PTPRG: variants seen among roughly 807,000 people sequenced by gnomAD.
The protein encoded by PTPRG is receptor-type tyrosine-protein phosphatase gamma.
In PTPRG, 102 loss-of-function variants were observed where a neutral mutation model predicts 165.3. That is an observed-to-expected ratio of 0.62 (90% CI 0.53 to 0.73). The LOEUF is 0.73. Ranked by LOEUF, PTPRG falls within the 30% of genes least tolerant of loss-of-function variation. The pLI is 0.00. For missense variants in PTPRG, 1,866 were observed against 1,861.4 expected, an observed-to-expected ratio of 1.00 and a Z score of -0.05; for synonymous variants, 675 against 669.5, an observed-to-expected ratio of 1.01 and a Z score of -0.13.
intron 1 of PTPRG, among the ~76,000 whole-genome samples, chr3:61,595,910 T>G (rs966215493): frequency 2.0e-5 from 3 of 152,200 alleles, no homozygotes; most frequent in African/African-American, 7.2e-5. Context: ...ACCATTGTGT[T>G]TTTTTAGCAA....
rs145207689 is a variant in PTPRG at position 62,275,953 on chromosome 3, T to C, written c.3546T>C (p.Ser1182=). ...GTAACAAAGAAAAGAACAGAAACTC[T>C]TCAGTTGTGCCATGTAAGACTTTAA... ...KECNKEKNRN[S]SVVPSERARV... is the part of the protein sequence containing the mutation. Residue 1182 remains serine (S), a synonymous_variant, in exon 24 of 30, where the codon TCT becomes TCC. Transcript: ENST00000474889. The C allele has an allele frequency of 6.8e-6, 11 of 1,608,142 alleles. No individual in the cohort carries two copies. The African/African-American group carries it at 1.5e-4, about 22-fold the overall frequency.
At chr3:61,972,828 T>C (rs1001945534) in intron 2 of PTPRG, among the ~76,000 whole-genome samples, 1 of 16,894 alleles carries the variant, frequency 5.9e-5, no homozygotes, top group African/African-American at 1.4e-3. Flanking sequence ...AATTTTTAAT[T>C]TTTTTTTTTT....
At position 61,949,666 on chromosome 3, in the gene PTPRG, A is replaced by G. The variant is rs140880471; in HGVS notation, c.191-39959A>G. 4.0e-3 allele frequency among the ~76,000 whole-genome samples: 611 copies of G among 152,016 alleles called. 4 individuals are homozygous for G. Among genetic ancestry groups the G allele is most frequent in the South Asian group, 0.012 (56 of 4,810 alleles). On this transcript the variant is annotated intron_variant, in intron 2 of 29. Transcript: ENST00000474889. Reference sequence around the variant, plus strand: ...GCCAGCTCAGGTGCTGAAACCTAAGACATTTTTTCCCCTTCCTAAGCCTTT... The same window carrying G: ...GCCAGCTCAGGTGCTGAAACCTAAGGCATTTTTTCCCCTTCCTAAGCCTTT...
chr3:62,271,587 T>C lies in PTPRG; in HGVS notation c.3182+32T>C. The C allele has an allele frequency of 1.3e-6, 2 of 1,594,508 alleles. No homozygotes were observed. The highest frequency in any genetic ancestry group is 1.7e-6 in the Non-Finnish European group (2 of 1,169,006). On this transcript the variant is annotated intron_variant, in intron 21 of 29. Coordinates refer to ENST00000474889, the MANE Select transcript of PTPRG (RefSeq NM_002841.4). This position sits in a 1 kb window ranked among gnomAD's most constrained non-coding sequence, Gnocchi z 4.1. ...TCTAGGATTCAACATGTGAAATAGA[T>C]GGGGCAGGGGACTTAGGCCTCAGTG...
intron 2 of PTPRG, among the ~76,000 whole-genome samples, chr3:61,965,097 A>G (rs189898849): frequency 6.6e-6 from 1 of 152,200 alleles, no homozygotes; most frequent in Admixed American, 6.5e-5. Context: ...ACAAAAAATT[A>G]TCCAGACGTG....
At chr3:61,782,292 C>T (rs917307930) in intron 2 of PTPRG, among the ~76,000 whole-genome samples, 4 of 152,168 alleles carry the variant, frequency 2.6e-5, no homozygotes, top group Non-Finnish European at 5.9e-5. Context: ...ACTGTCTCCT[C>T]AATGTCAGAT....
At chr3:62,250,072 C>T (rs892467831) in intron 15 of PTPRG, among the ~76,000 whole-genome samples, 5 of 152,168 alleles carry the variant, frequency 3.3e-5, no homozygotes, top group African/African-American at 1.2e-4. Context: ...ATGCCAGGCA[C>T]TCTTATAAGT....
intron 10 of PTPRG, 42 bp from the exon 11 acceptor site, chr3:62,201,463 A>G: frequency 6.5e-7 from 1 of 1,541,178 alleles, no homozygotes; most frequent in Non-Finnish European, 8.8e-7. Flanking sequence ...TAGAGCCACA[A>G]AAAAAGTTAT....
Position 62,209,755 on chromosome 3 carries a change from A to G in PTPRG, c.2155+5805A>G, listed in dbSNP as rs115894539. On this transcript the variant is annotated intron_variant, in intron 12 of 29. Transcript: ENST00000474889. ...ATGGTTTAGTTTCTTCTCAGAAAGT[A>G]TCTGGGTCCTTGGAGTTTCTATTGC... Among the ~76,000 whole-genome samples the G allele has an allele frequency of 5.0e-3, 764 of 152,342 alleles. 5 individuals carry two copies. Among genetic ancestry groups the G allele is most frequent in the African/African-American group, 0.018 (733 of 41,578 alleles).
chr3:62,272,812 G>A (rs1702109527), intron 21 of PTPRG, 134 bp from the exon 22 acceptor site: 1 of 1,034,474 alleles, frequency 9.7e-7, no homozygotes. Context: ...ACTCCAGCCT[G>A]GGCAACAGAG....
intron 2 of PTPRG, among the ~76,000 whole-genome samples, chr3:61,880,298 T>G (rs531414229): frequency 2.0e-5 from 3 of 152,334 alleles, no homozygotes; most frequent in African/African-American, 7.2e-5. Flanking sequence ...TTCTAGAATT[T>G]GTATTTTAGA....
rs566825619 is a variant in PTPRG, at chr3:61,735,766, G to C, written c.86-13112G>C. ...AAGACAAAGTCTTTCTCATTGTGCA[G>C]AGACAATTTACCATAGATTTAATTT... is the stretch of plus-strand genomic sequence containing the variant. On this transcript the variant is annotated intron_variant, in intron 1 of 29. Coordinates refer to ENST00000474889, the MANE Select transcript of PTPRG (RefSeq NM_002841.4). 1.1e-4 allele frequency among the ~76,000 whole-genome samples: 17 copies of C among 152,300 alleles called. No individual in the cohort carries two copies. In the South Asian group the frequency reaches 3.5e-3, roughly 32 times the overall value.
intron 2 of PTPRG, among the ~76,000 whole-genome samples, chr3:61,925,281 G>T (rs953272515): frequency 3.3e-5 from 5 of 152,170 alleles, no homozygotes; most frequent in Non-Finnish European, 2.9e-5. Context: ...TTTCTCTGTT[G>T]TCCTCTGTGT....
chr3:61,903,197 G>A (rs539828923), intron 2 of PTPRG, among the ~76,000 whole-genome samples: 34 of 152,022 alleles, frequency 2.2e-4, no homozygotes, highest in Non-Finnish European at 4.0e-4. Flanking sequence ...CCATGAACAT[G>A]CAGATTCCCC....
intron 26 of PTPRG, 80 bp downstream of exon 26, chr3:62,277,759 C>CT: frequency 6.5e-7 from 1 of 1,534,782 alleles, no homozygotes; most frequent in Admixed American, 1.8e-5. Context: ...TGCCATAGGG[C>CT]TATAGTATCC....
chr3:61,886,732 C>G (rs1172078990), intron 2 of PTPRG, among the ~76,000 whole-genome samples: 1 of 152,166 alleles, frequency 6.6e-6, no homozygotes, highest in African/African-American at 2.4e-5. Context: ...ACTACATTAA[C>G]TAGCTTTTCC....
intron 2 of PTPRG, among the ~76,000 whole-genome samples, chr3:61,801,762 G>A (rs898654985): frequency 1.8e-4 from 28 of 152,264 alleles, no homozygotes; most frequent in Non-Finnish European, 2.4e-4. Flanking sequence ...CCACAGCAGG[G>A]AATGTTTGGA....
chr3:61,740,396 G>A lies in PTPRG; in HGVS notation c.86-8482G>A, dbSNP rs185584590. ...GATTTTCATCACAAATGTATAATGA[G>A]CTCCATTATAAATCAGTTTTATAAG... On this transcript the variant is annotated intron_variant, in intron 1 of 29. Transcript: ENST00000474889. 5.9e-5 allele frequency among the ~76,000 whole-genome samples: 9 copies of A among 152,236 alleles called. No individual in the cohort carries two copies. The East Asian group carries it at 1.7e-3, about 29-fold the overall frequency.
At chr3:62,191,218 G>A (rs568022847) in intron 8 of PTPRG, among the ~76,000 whole-genome samples, 9 of 151,854 alleles carry the variant, frequency 5.9e-5, no homozygotes, top group African/African-American at 1.2e-4. Flanking sequence ...TCCCGTGCAC[G>A]TGTGTGTGCA....
Sources: gnomAD v4.1 joint callset for allele counts (sites outside exome capture counted in the v4.1 genomes callset) on GRCh38, gnomAD v4.1.1 for gene constraint, Gnocchi (gnomAD v3.1) non-coding constraint, MANE v1.5 for transcripts, NCBI Gene and HGNC (gene_info 2026-07-23, HGNC 2026-07-21) for gene names.